The following ASIC2 variants were observed in gnomAD, a reference collection of about 807,000 sequenced individuals.
The protein encoded by ASIC2 is acid sensing ion channel subunit 2.
In ASIC2, 25 loss-of-function variants were observed where a neutral mutation model predicts 57.3. That is an observed-to-expected ratio of 0.44 (90% confidence interval 0.32 to 0.61). The LOEUF is 0.61. Ranked by LOEUF, ASIC2 falls within the 20% of genes least tolerant of loss-of-function variation. The probability of loss-of-function intolerance (pLI) is 0.06; values close to 1 mark genes in which losing one functional copy is unlikely to be tolerated. For missense variants in ASIC2, 641 were observed against 738.1 expected, an observed-to-expected ratio of 0.87 and a Z score of 1.52; for synonymous variants, 319 against 307.5, an observed-to-expected ratio of 1.04 and a Z score of -0.39.
chr17:33,427,112 C>T (rs1232735948), intron 1 of ASIC2, among the ~76,000 whole-genome samples: 2 of 152,076 alleles, frequency 1.3e-5, no homozygotes, highest in East Asian at 1.9e-4. Flanking sequence ...AAGAGAAGGG[C>T]CAGTGATGCA....
chr17:33,625,129 G>GTCTGTCTATCTATCTATCTATCTA (rs1555548113), intron 1 of ASIC2, among the ~76,000 whole-genome samples: 2 of 146,442 alleles, frequency 1.4e-5, no homozygotes, highest in African/African-American at 2.5e-5. Context: ...TGGCCTCTCT[G>GTCTGTCTATCTATCTATCTATCTA]TCTATCTATC....
rs974110602 is a variant in ASIC2, at chr17:33,945,704, G to A, written c.555+210274C>T. Among the ~76,000 whole-genome samples, 29 of 152,090 alleles carry A rather than the reference G, an allele frequency of 1.9e-4. 1 individual carries two copies. Among genetic ancestry groups the A allele is most frequent in the Admixed American group, 1.9e-3 (29 of 15,262 alleles). ...ACAAATCTTCACCAGGTCTGTTTAG[G>A]TCTCCCTGAAAGTTTGGCAACAAGA... On this transcript the variant is annotated intron_variant, in intron 1 of 9. Transcript: ENST00000359872.
At chr17:33,610,051 G>GGT (rs1555547207) in intron 1 of ASIC2, among the ~76,000 whole-genome samples, 2 of 110,788 alleles carry the variant, frequency 1.8e-5, no homozygotes, top group African/African-American at 3.1e-5. Flanking sequence ...CCTGGACAGA[G>GGT]GCGCACACAC....
intron 1 of ASIC2, among the ~76,000 whole-genome samples, chr17:33,359,024 C>T (rs945775815): frequency 1.3e-5 from 2 of 152,144 alleles, no homozygotes; most frequent in East Asian, 3.9e-4. Context: ...CCTCTTTGCC[C>T]CCCCTTTCTC....
At chr17:33,753,445 A>G (rs1361469518) in intron 1 of ASIC2, among the ~76,000 whole-genome samples, 1 of 152,210 alleles carries the variant, frequency 6.6e-6, no homozygotes. Flanking sequence ...CAAAGAATGA[A>G]CCCTAATGTA....
chr17:33,230,167 C>T (rs181859717), intron 1 of ASIC2, among the ~76,000 whole-genome samples: 1 of 152,362 alleles, frequency 6.6e-6, no homozygotes, highest in Admixed American at 6.5e-5. Context: ...GACTACCTTC[C>T]ACTCTGCCTA....
intron 1 of ASIC2, among the ~76,000 whole-genome samples, chr17:33,389,278 G>A (rs1909806930): frequency 6.6e-6 from 1 of 152,110 alleles, no homozygotes; most frequent in South Asian, 2.1e-4. Flanking sequence ...ACTCTTAACT[G>A]CACGCAAACA....
At chr17:33,244,406 G>C (rs1908619252) in intron 1 of ASIC2, among the ~76,000 whole-genome samples, 1 of 152,164 alleles carries the variant, frequency 6.6e-6, no homozygotes, top group South Asian at 2.1e-4. Flanking sequence ...TGATCTTTTT[G>C]GTCGAATTAA....
chr17:33,628,450 C>G (rs1030839437), intron 1 of ASIC2, among the ~76,000 whole-genome samples: 3 of 151,802 alleles, frequency 2.0e-5, no homozygotes, highest in African/African-American at 4.9e-5. Context: ...TGCCACCATG[C>G]CTGGCTAGTT....
At chr17:33,829,188 G>C (rs1913029739) in intron 1 of ASIC2, among the ~76,000 whole-genome samples, 1 of 152,176 alleles carries the variant, frequency 6.6e-6, no homozygotes, top group African/African-American at 2.4e-5. Context: ...TGAGGGTAAG[G>C]AGAGAGTTGA....
intron 1 of ASIC2, among the ~76,000 whole-genome samples, chr17:33,378,029 G>A (rs1281455662): frequency 6.6e-6 from 1 of 152,194 alleles, no homozygotes; most frequent in Non-Finnish European, 1.5e-5. Context: ...GATACCCCCT[G>A]GTAGGCACAA....
At chr17:34,123,696 A>G (rs1911693061) in intron 1 of ASIC2, among the ~76,000 whole-genome samples, 1 of 152,210 alleles carries the variant, frequency 6.6e-6, no homozygotes, top group Non-Finnish European at 1.5e-5. Context: ...AAATGGAACA[A>G]TGGTCTCCTG....
intron 3 of ASIC2, among the ~76,000 whole-genome samples, chr17:33,057,141 G>A (rs2092001359): frequency 6.6e-6 from 1 of 152,182 alleles, no homozygotes. Context: ...CTGCATTACA[G>A]GGAGGCTTGT....
intron 1 of ASIC2, among the ~76,000 whole-genome samples, chr17:33,207,980 C>A (rs1907130848): frequency 6.6e-6 from 1 of 152,194 alleles, no homozygotes; most frequent in African/African-American, 2.4e-5. Flanking sequence ...GGATCATCTC[C>A]CAAATAAACT....
At chr17:33,234,350 T>C (rs565989535) in intron 1 of ASIC2, among the ~76,000 whole-genome samples, 1 of 152,300 alleles carries the variant, frequency 6.6e-6, no homozygotes, top group African/African-American at 2.4e-5. Context: ...CGTGGATATG[T>C]GGCCCTGGCT....
chr17:33,940,208 C>T (rs1916154946), intron 1 of ASIC2, among the ~76,000 whole-genome samples: 1 of 152,154 alleles, frequency 6.6e-6, no homozygotes, highest in African/African-American at 2.4e-5. Context: ...CCCACCTAAC[C>T]AGTAAGTTGG....
chr17:33,121,229 T>G (rs1375733294), intron 1 of ASIC2, among the ~76,000 whole-genome samples: 1 of 152,240 alleles, frequency 6.6e-6, no homozygotes, highest in African/African-American at 2.4e-5. Context: ...ACCATGCCTG[T>G]GGATCTCTTG....
intron 1 of ASIC2, among the ~76,000 whole-genome samples, chr17:33,224,381 T>C (rs1180300018): frequency 6.6e-6 from 1 of 152,122 alleles, no homozygotes; most frequent in East Asian, 1.9e-4. Flanking sequence ...TAGTGTGCTT[T>C]GGAGGAGCAG....
chr17:33,698,637 GT>G (rs1908603156), intron 1 of ASIC2, among the ~76,000 whole-genome samples: 2 of 152,170 alleles, frequency 1.3e-5, no homozygotes, highest in South Asian at 4.1e-4. Context: ...GGGTGAATAA[GT>G]ACTTGCCAGC....
Sources: gnomAD v4.1 joint callset for allele counts (sites outside exome capture counted in the v4.1 genomes callset) on GRCh38, gnomAD v4.1.1 for gene constraint, MANE v1.5 for transcripts, NCBI Gene and HGNC (gene_info 2026-07-23, HGNC 2026-07-21) for gene names.